The following ATG16L1 variants were observed in gnomAD, a reference collection of about 807,000 sequenced individuals.
The protein encoded by ATG16L1 is autophagy-related protein 16-1.
In ATG16L1, 37 loss-of-function variants were observed where a neutral mutation model predicts 88.5. The observed-to-expected ratio is 0.42, with a 90% confidence interval of 0.32 to 0.55. The LOEUF (loss-of-function observed/expected upper bound fraction) is 0.55, where lower values mean the gene tolerates loss of function less well. Among genes scored for constraint, ATG16L1 ranks in the 20% least tolerant of loss-of-function variants. ATG16L1 has a pLI of 0.13. For synonymous variants in ATG16L1, 301 were observed against 281.0 expected (o/e 1.07, Z -0.71); for missense variants, 554 against 752.8 (o/e 0.74, Z 3.09).
intron 8 of ATG16L1, 146 bp from the exon 9 acceptor site, chr2:233,274,530 T>A (rs1698210945): frequency 1.7e-6 from 1 of 589,234 alleles, no homozygotes; most frequent in Admixed American, 3.1e-5. Flanking sequence ...TTGTGAATTG[T>A]TCTGTAGTTT....
intron 2 of ATG16L1, among the ~76,000 whole-genome samples, chr2:233,259,656 ACATTATC>A (rs770608156): frequency 6.6e-6 from 1 of 152,154 alleles, no homozygotes; most frequent in Admixed American, 6.5e-5. Context: ...ATTTCCACAA[ACATTATC>A]CATAATAAGC....
At chr2:233,270,153 T>G (rs1356922985) in intron 6 of ATG16L1, 86 bp downstream of exon 6, 1 of 1,306,192 alleles carries the variant, frequency 7.7e-7, no homozygotes, top group Non-Finnish European at 1.0e-6. Flanking sequence ...TTTTGTTTGG[T>G]TTTTTTTGAG....
At chr2:233,254,918 C>T (rs766600864) in intron 1 of ATG16L1, among the ~76,000 whole-genome samples, 1 of 152,162 alleles carries the variant, frequency 6.6e-6, no homozygotes, top group Non-Finnish European at 1.5e-5. Flanking sequence ...CACATCTGAT[C>T]TTACTGGTGC....
chr2:233,292,583 C>A, intron 16 of ATG16L1, 149 bp downstream of exon 16: 1 of 932,318 alleles, frequency 1.1e-6, no homozygotes, highest in Non-Finnish European at 1.7e-6. Context: ...TGCAGGCCAC[C>A]ATTATTGTCT....
At chr2:233,274,382 A>G (rs1166783082) in intron 8 of ATG16L1, 1 of 430,598 alleles carries the variant, frequency 2.3e-6, no homozygotes, top group Non-Finnish European at 4.1e-6. Flanking sequence ...AAAGTTTCCC[A>G]GCAGCTTATT....
intron 12 of ATG16L1, chr2:233,288,586 A>G: frequency 2.7e-6 from 1 of 365,330 alleles, no homozygotes; most frequent in East Asian, 6.9e-5. Flanking sequence ...CAACCCTTGC[A>G]TTTTCTAATT....
chr2:233,274,177 G>C (rs1043815099), intron 8 of ATG16L1: 6 of 975,500 alleles, frequency 6.2e-6, no homozygotes, highest in Non-Finnish European at 7.6e-6. Flanking sequence ...TAGGAATGCC[G>C]GGAGCCCTCA....
At chr2:233,277,349 AGAAG>A (rs1698442241) in intron 9 of ATG16L1, 1 of 450,194 alleles carries the variant, frequency 2.2e-6, no homozygotes. Context: ...GTACTTTTTG[AGAAG>A]GTTGCACTGC....
chr2:233,273,133 C>T (rs1349140700), intron 7 of ATG16L1, 81 bp downstream of exon 7: 3 of 1,159,836 alleles, frequency 2.6e-6, no homozygotes, highest in East Asian at 2.4e-5. Flanking sequence ...ACAAAGAATG[C>T]AGTCAGATGC....
chr2:233,283,537 A>G (rs1698860828), intron 12 of ATG16L1, among the ~76,000 whole-genome samples: 1 of 151,964 alleles, frequency 6.6e-6, no homozygotes, highest in Admixed American at 6.6e-5. Flanking sequence ...CAGAGGAAGT[A>G]ATGTTAAGAT....
At chr2:233,258,801 ATCC>A (rs1176457090) in intron 2 of ATG16L1, among the ~76,000 whole-genome samples, 2 of 152,074 alleles carry the variant, frequency 1.3e-5, no homozygotes, top group African/African-American at 4.8e-5. Flanking sequence ...GGCTCAAGCA[ATCC>A]TCCTGCCTTA....
In ATG16L1 at chr2:233,277,842, C is replaced by T. The variant is rs557186975; in HGVS notation, c.1060+169C>T. On this transcript the variant is annotated intron_variant, in intron 10 of 17. Coordinates refer to ENST00000392017, the MANE Select transcript of ATG16L1 (RefSeq NM_030803.7). ...GTAAGGGATCGTTTGACCAAAGCATCATACATCTCAGTTATTCTTTACTTC... is the reference window on the plus strand; with the variant it reads ...GTAAGGGATCGTTTGACCAAAGCATTATACATCTCAGTTATTCTTTACTTC... Among the ~76,000 whole-genome samples, 4 of 152,302 alleles carry T rather than the reference C, an allele frequency of 2.6e-5. No homozygotes were observed. In the East Asian group the frequency reaches 5.8e-4, roughly 22 times the overall value.
chr2:233,284,731 A>C (rs765422766), intron 12 of ATG16L1, among the ~76,000 whole-genome samples: 1 of 152,146 alleles, frequency 6.6e-6, no homozygotes, highest in Non-Finnish European at 1.5e-5. Context: ...CGGCCTCCCA[A>C]AGTGCTGGGA....
chr2:233,291,537 C>G (rs1020422755), intron 14 of ATG16L1, among the ~76,000 whole-genome samples: 2 of 152,166 alleles, frequency 1.3e-5, no homozygotes, highest in African/African-American at 2.4e-5. Context: ...GTCAGCACCC[C>G]CTTTGGCTAT....
rs80135566 is a variant in ATG16L1, at chr2:233,287,463, T to G, written c.1204-2391T>G. 6.6e-5 allele frequency among the ~76,000 whole-genome samples: 10 copies of G among 152,346 alleles called. No homozygotes were observed. In the East Asian group the frequency reaches 1.7e-3, roughly 26 times the overall value. ...ATCATCTGTACTTGCCATATCCCAC[T>G]TATGAACAATGTCTTTTTCTACCCT... is the stretch of plus-strand genomic sequence containing the variant. On this transcript the variant is annotated intron_variant, in intron 12 of 17. Transcript: ENST00000392017.
rs139360387 is a variant in ATG16L1 at position 233,262,432 on chromosome 2, G to C, written c.210-698G>C. On this transcript the variant is annotated intron_variant, in intron 2 of 17. Coordinates refer to ENST00000392017, the MANE Select transcript of ATG16L1 (RefSeq NM_030803.7). The stretch of plus-strand genomic sequence containing the variant: ...AGTAAACCTCACAGCCCTCGGAGGT[G>C]CCCACAAGGCTCTGCATCATTTCCC... 1.7e-3 allele frequency among the ~76,000 whole-genome samples: 253 copies of C among 152,270 alleles called. 3 individuals are homozygous for C. Among genetic ancestry groups the C allele is most frequent in the African/African-American group, 5.8e-3 (242 of 41,562 alleles).
intron 12 of ATG16L1, among the ~76,000 whole-genome samples, chr2:233,284,383 G>A (rs1698937424): frequency 6.6e-6 from 1 of 152,098 alleles, no homozygotes; most frequent in African/African-American, 2.4e-5. Context: ...CCAGGCTAGA[G>A]TGCAGTGGCA....
chr2:233,287,993 T>C (rs146850122), intron 12 of ATG16L1, among the ~76,000 whole-genome samples: 2 of 152,308 alleles, frequency 1.3e-5, no homozygotes, highest in East Asian at 3.9e-4. Context: ...ATGGACTGTA[T>C]CTAGTGTAGG....
intron 6 of ATG16L1, among the ~76,000 whole-genome samples, chr2:233,270,750 C>G (rs1212978860): frequency 6.6e-6 from 1 of 152,190 alleles, no homozygotes; most frequent in East Asian, 1.9e-4. Context: ...TGGAGCTTTT[C>G]CTAATCTGCC....
Sources: gnomAD v4.1 joint callset for allele counts (sites outside exome capture counted in the v4.1 genomes callset) on GRCh38, gnomAD v4.1.1 for gene constraint, MANE v1.5 for transcripts, NCBI Gene and HGNC (gene_info 2026-07-23, HGNC 2026-07-21) for gene names.